ABTB3: variants seen among roughly 807,000 people sequenced by gnomAD.
The protein encoded by ABTB3 is ankyrin repeat- and BTB/POZ domain-containing protein 3.
the ABTB3 span, among the ~76,000 whole-genome samples, chr12:107,654,853 C>T: frequency 1.3e-5 from 2 of 149,718 alleles, no homozygotes; most frequent in African/African-American, 5.0e-5. Context: ...CACACACACA[C>T]ACACACAGTG....
At chr12:107,635,125 A>G in the ABTB3 span, among the ~76,000 whole-genome samples, 11 of 152,200 alleles carry the variant, frequency 7.2e-5, no homozygotes, top group African/African-American at 1.9e-4. Context: ...TCCAGGACCC[A>G]TGAATGCAAA....
At chr12:107,611,482 C>CT in the ABTB3 span, among the ~76,000 whole-genome samples, 5 of 152,280 alleles carry the variant, frequency 3.3e-5, no homozygotes, top group South Asian at 4.1e-4. Context: ...GGCCCAGTGT[C>CT]TTTTTTAAAA....
chr12:107,642,291 C>T, the ABTB3 span: 1 of 843,740 alleles, frequency 1.2e-6, no homozygotes, highest in Non-Finnish European at 1.9e-6. Context: ...CTGTCAGTCT[C>T]CTGAACTCCC....
At chr12:107,497,800 C>T in the ABTB3 span, among the ~76,000 whole-genome samples, 1 of 152,198 alleles carries the variant, frequency 6.6e-6, no homozygotes, top group Non-Finnish European at 1.5e-5. Flanking sequence ...ATGGTGGGCA[C>T]ATCCTTCCTT....
At chr12:107,336,602 G>C in the ABTB3 span, among the ~76,000 whole-genome samples, 25 of 152,266 alleles carry the variant, frequency 1.6e-4, no homozygotes, top group Non-Finnish European at 3.4e-4. Flanking sequence ...TGTTGGGACT[G>C]TCATTCCCCA....
At chr12:107,465,296 C>T in the ABTB3 span, among the ~76,000 whole-genome samples, 4 of 152,176 alleles carry the variant, frequency 2.6e-5, no homozygotes, top group Admixed American at 1.3e-4. Flanking sequence ...AACAACTTTC[C>T]TCAGGTCACA....
At chr12:107,603,706 T>G in the ABTB3 span, among the ~76,000 whole-genome samples, 2 of 152,100 alleles carry the variant, frequency 1.3e-5, no homozygotes, top group South Asian at 4.1e-4. Flanking sequence ...ACAAATGGGA[T>G]TGCATCAAAT....
chr12:107,503,643 G>GC, the ABTB3 span, among the ~76,000 whole-genome samples: 1 of 151,524 alleles, frequency 6.6e-6, no homozygotes, highest in Non-Finnish European at 1.5e-5. Context: ...TTCAGTCCCA[G>GC]CTACTCAGGA....
chr12:107,419,996 C>T, the ABTB3 span, among the ~76,000 whole-genome samples: 1 of 152,166 alleles, frequency 6.6e-6, no homozygotes, highest in African/African-American at 2.4e-5. Context: ...GGAGGAGTCA[C>T]TAGAAGACCT....
the ABTB3 span, among the ~76,000 whole-genome samples, chr12:107,372,901 G>C: frequency 6.6e-6 from 1 of 152,166 alleles, no homozygotes. Context: ...GTACATTGCT[G>C]TCTCCCCAGT....
At chr12:107,443,806 C>T in the ABTB3 span, among the ~76,000 whole-genome samples, 9 of 152,086 alleles carry the variant, frequency 5.9e-5, no homozygotes, top group Non-Finnish European at 1.2e-4. Context: ...GCGTGGGGAG[C>T]CTGGTCGGGA....
the ABTB3 span, among the ~76,000 whole-genome samples, chr12:107,509,156 C>T: frequency 6.6e-6 from 1 of 152,056 alleles, no homozygotes. Context: ...CCCTATGAGG[C>T]GGATGTCACC....
the ABTB3 span, among the ~76,000 whole-genome samples, chr12:107,341,900 A>G: frequency 6.6e-6 from 1 of 152,168 alleles, no homozygotes; most frequent in South Asian, 2.1e-4. Context: ...GCCATGTGAC[A>G]TGCCTGCTCC....
chr12:107,482,869 TTC>T, the ABTB3 span, among the ~76,000 whole-genome samples: 1 of 151,348 alleles, frequency 6.6e-6, no homozygotes, highest in East Asian at 2.0e-4. Context: ...CTCTCTCTCT[TTC>T]TTTCTTCTTT....
the ABTB3 span, among the ~76,000 whole-genome samples, chr12:107,447,551 G>A: frequency 6.6e-6 from 1 of 152,158 alleles, no homozygotes; most frequent in Non-Finnish European, 1.5e-5. Flanking sequence ...CTGGTGGTTG[G>A]GAGATGCAGG....
the ABTB3 span, among the ~76,000 whole-genome samples, chr12:107,553,860 A>T: frequency 1.3e-5 from 2 of 152,298 alleles, no homozygotes; most frequent in Non-Finnish European, 2.9e-5. Context: ...GAATCACTTG[A>T]ACCCGGGAGG....
At chr12:107,341,588 A>T in the ABTB3 span, among the ~76,000 whole-genome samples, 1 of 152,162 alleles carries the variant, frequency 6.6e-6, no homozygotes, top group African/African-American at 2.4e-5. Context: ...AATATGTGAA[A>T]CATTAAAAAG....
chr12:107,500,580 AC>A, the ABTB3 span, among the ~76,000 whole-genome samples: 1 of 151,432 alleles, frequency 6.6e-6, no homozygotes, highest in Admixed American at 6.6e-5. Context: ...TGAGCCGGTT[AC>A]CCCCCACTCT....
the ABTB3 span, among the ~76,000 whole-genome samples, chr12:107,499,418 T>TA: frequency 2.0e-5 from 3 of 151,984 alleles, no homozygotes; most frequent in Admixed American, 6.6e-5. Context: ...CTTCAGATTG[T>TA]AAAAATTCTC....
Sources: allele counts gnomAD v4.1 joint callset (sites outside exome capture counted in the v4.1 genomes callset), GRCh38; gene constraint gnomAD v4.1.1; transcripts MANE v1.5; gene names NCBI Gene and HGNC (gene_info 2026-07-23, HGNC 2026-07-21).